The following NR3C2 variants were observed in gnomAD, a reference collection of about 807,000 sequenced individuals.
The protein encoded by NR3C2 is nuclear receptor subfamily 3 group C member 2.
NR3C2 carries 15 observed loss-of-function variants against 86.4 expected under a neutral mutation model. The observed-to-expected ratio is 0.17, with a 90% CI of 0.12 to 0.27. The LOEUF is 0.27. Ranked by LOEUF, NR3C2 falls within the 10% of genes least tolerant of loss-of-function variation. NR3C2 has a pLI of 1.00. For missense variants in NR3C2, 960 were observed against 1,195.6 expected, an observed-to-expected ratio of 0.80 and a Z score of 2.91; for synonymous variants, 458 against 450.5, an observed-to-expected ratio of 1.02 and a Z score of -0.21.
chr4:148,299,396 C>A (rs1041791364), intron 2 of NR3C2, among the ~76,000 whole-genome samples: 1 of 152,122 alleles, frequency 6.6e-6, no homozygotes, highest in Non-Finnish European at 1.5e-5. Context: ...GAAATGTCGG[C>A]CTTGGTCCAA....
chr4:148,435,634 T>G lies in NR3C2; in HGVS notation c.1227A>C (p.Ser409=), dbSNP rs1347182368. The G allele has an allele frequency of 6.8e-6, 11 of 1,614,006 alleles. No homozygotes were observed. Among genetic ancestry groups the G allele is most frequent in the Non-Finnish European group, 9.3e-6 (11 of 1,179,880 alleles). ...KPEPDGAFSS[S]CLGGNSKINS... is the part of the protein sequence containing the mutation. ...TTATTTTGCTATTTCCTCCTAGACA[T>G]GAGCTGCTAAAAGCTCCATCTGGTT... The change falls in exon 2 of 9, where the codon TCA becomes TCC. Residue 409 remains serine (S), a synonymous_variant. Coordinates refer to ENST00000358102, the MANE Select transcript of NR3C2 (RefSeq NM_000901.5).
intron 2 of NR3C2, among the ~76,000 whole-genome samples, chr4:148,393,975 C>A (rs1006792321): frequency 6.6e-6 from 1 of 152,338 alleles, no homozygotes; most frequent in Admixed American, 6.5e-5. Context: ...AGAAGTGACA[C>A]TGTGTGTGTC....
At chr4:148,209,246 A>C (rs1039046137) in intron 3 of NR3C2, among the ~76,000 whole-genome samples, 2 of 151,772 alleles carry the variant, frequency 1.3e-5, no homozygotes, top group Non-Finnish European at 2.9e-5. Context: ...TCAGTCTCAA[A>C]AAAAAAAAAA....
At chr4:148,300,583 T>C (rs1579124510) in intron 2 of NR3C2, among the ~76,000 whole-genome samples, 1 of 129,502 alleles carries the variant, frequency 7.7e-6, no homozygotes, top group East Asian at 2.5e-4. Flanking sequence ...TTTGCCTTGC[T>C]ACTCATTTTT....
chr4:148,379,343 C>G (rs1746842382), intron 2 of NR3C2, among the ~76,000 whole-genome samples: 1 of 152,024 alleles, frequency 6.6e-6, no homozygotes. Flanking sequence ...GCTCCCCTAC[C>G]TCCCCACTAG....
intron 2 of NR3C2, among the ~76,000 whole-genome samples, chr4:148,334,665 T>TA (rs1240071694): frequency 2.0e-5 from 3 of 152,264 alleles, no homozygotes; most frequent in African/African-American, 4.8e-5. Context: ...TGTAAAAGGT[T>TA]AAAAAAAGTG....
chr4:148,108,280 T>A (rs1731894516), intron 8 of NR3C2, among the ~76,000 whole-genome samples: 1 of 152,040 alleles, frequency 6.6e-6, no homozygotes, highest in African/African-American at 2.4e-5. Context: ...ATTTTGTATT[T>A]TTAGTAGAGA....
chr4:148,153,935 A>G (rs184633225), intron 5 of NR3C2, among the ~76,000 whole-genome samples: 3 of 152,146 alleles, frequency 2.0e-5, no homozygotes, highest in Non-Finnish European at 1.5e-5. Context: ...AATGTATTTT[A>G]CCTTATTAAT....
intron 2 of NR3C2, among the ~76,000 whole-genome samples, chr4:148,417,742 A>C (rs893572102): frequency 1.3e-5 from 2 of 152,210 alleles, no homozygotes; most frequent in African/African-American, 4.8e-5. Context: ...CCCAGTGTTT[A>C]ACAATAATAT....
At chr4:148,355,627 T>G (rs1745515803) in intron 2 of NR3C2, among the ~76,000 whole-genome samples, 4 of 152,122 alleles carry the variant, frequency 2.6e-5, no homozygotes, top group Admixed American at 2.6e-4. Context: ...CTGCAGCAGC[T>G]CTCATCCCCT....
intron 2 of NR3C2, among the ~76,000 whole-genome samples, chr4:148,397,305 T>C (rs1747910079): frequency 6.6e-6 from 1 of 152,222 alleles, no homozygotes; most frequent in Non-Finnish European, 1.5e-5. Context: ...GGCTTTCATC[T>C]TGACTGTCCT....
At chr4:148,148,288 A>G (rs925302427) in intron 6 of NR3C2, among the ~76,000 whole-genome samples, 2 of 152,132 alleles carry the variant, frequency 1.3e-5, no homozygotes, top group African/African-American at 4.8e-5. Flanking sequence ...CCAATATCCA[A>G]TTACTAGCAA....
chr4:148,444,538 A>T, upstream of NR3C2: 2 of 984,406 alleles, frequency 2.0e-6, no homozygotes, highest in Non-Finnish European at 2.4e-6. Context: ...TTTCTAGGAC[A>T]TGGTGGGGAG....
At chr4:148,338,082 G>T (rs960355285) in intron 2 of NR3C2, among the ~76,000 whole-genome samples, 1 of 152,100 alleles carries the variant, frequency 6.6e-6, no homozygotes, top group Non-Finnish European at 1.5e-5. Flanking sequence ...GTGGATTAAT[G>T]CTATATGTAC....
intron 2 of NR3C2, among the ~76,000 whole-genome samples, chr4:148,350,942 G>A (rs1745242659): frequency 6.6e-6 from 1 of 151,986 alleles, no homozygotes; most frequent in Admixed American, 6.6e-5. Context: ...ATATGCTTTA[G>A]GTGTTCAATA....
chr4:148,162,809 G>A (rs1052375328), intron 4 of NR3C2, among the ~76,000 whole-genome samples: 3 of 152,158 alleles, frequency 2.0e-5, no homozygotes, highest in African/African-American at 7.2e-5. Context: ...GATTACGCCT[G>A]ACAACTCCTA....
chr4:148,205,728 G>A (rs1736970839), intron 3 of NR3C2, among the ~76,000 whole-genome samples: 1 of 152,186 alleles, frequency 6.6e-6, no homozygotes, highest in Non-Finnish European at 1.5e-5. Flanking sequence ...ATGAATAAGT[G>A]CTAAGAGAAT....
At chr4:148,270,964 C>T (rs1740650980) in intron 2 of NR3C2, among the ~76,000 whole-genome samples, 1 of 152,150 alleles carries the variant, frequency 6.6e-6, no homozygotes, top group Non-Finnish European at 1.5e-5. Flanking sequence ...TGACCTCTGG[C>T]TTTAATGATA....
chr4:148,429,041 G>A (rs990894533), intron 2 of NR3C2, among the ~76,000 whole-genome samples: 1 of 152,012 alleles, frequency 6.6e-6, no homozygotes, highest in African/African-American at 2.4e-5. Flanking sequence ...ACCACACTCA[G>A]TGTTTTCTCC....
Sources: gnomAD v4.1 joint callset for allele counts (sites outside exome capture counted in the v4.1 genomes callset) on GRCh38, gnomAD v4.1.1 for gene constraint, MANE v1.5 for transcripts, NCBI Gene and HGNC (gene_info 2026-07-23, HGNC 2026-07-21) for gene names.